The following ROPN1L variants were observed in gnomAD, a reference collection of about 807,000 sequenced individuals.
ROPN1L encodes ropporin-1-like protein.
A neutral mutation model predicts 22.7 loss-of-function variants in ROPN1L; 23 were observed. The observed-to-expected ratio is 1.01, with a 90% CI of 0.73 to 1.43. The LOEUF is 1.43. Ranked by LOEUF, ROPN1L falls within the 40% of genes most tolerant of loss-of-function variation. The pLI, the probability that ROPN1L is intolerant of heterozygous loss-of-function variation, is 0.00. For synonymous variants in ROPN1L, 116 were observed against 117.8 expected (o/e 0.98, Z 0.10); for missense variants, 271 against 291.5 (o/e 0.93, Z 0.51).
intron 4 of ROPN1L, among the ~76,000 whole-genome samples, chr5:10,463,405 G>A (rs1242830365): frequency 6.6e-6 from 1 of 152,208 alleles, no homozygotes; most frequent in African/African-American, 2.4e-5. Flanking sequence ...TGGTGGGGTG[G>A]GCAGAGGTGG....
At chr5:10,470,099 GC>G (rs1279746360) in intron 4 of ROPN1L, among the ~76,000 whole-genome samples, 2 of 152,154 alleles carry the variant, frequency 1.3e-5, no homozygotes, top group Non-Finnish European at 2.9e-5. Context: ...GTCTGATTTT[GC>G]TATTTCCGTA....
the ROPN1L span, chr5:10,482,230 A>G: frequency 3.3e-5 from 5 of 152,014 alleles, no homozygotes; most frequent in Non-Finnish European, 5.9e-5. Flanking sequence ...TCCGTCAAAA[A>G]AAAAAAAAAA....
chr5:10,478,923 G>A, the ROPN1L span, among the ~76,000 whole-genome samples: 1 of 152,202 alleles, frequency 6.6e-6, no homozygotes, highest in Non-Finnish European at 1.5e-5. Context: ...TATATAGGGT[G>A]TTGTAAAGAT....
Position 10,464,980 on chromosome 5 carries a change from G to A in ROPN1L, c.*33G>A. ...AAGAATACATTTTAATGTCAAAATA[G>A]TGCTCTTTAAAATTCTGGCACCAAA... On this transcript the variant is annotated 3_prime_UTR_variant, in exon 5 of 5. Coordinates refer to ENST00000274134, the MANE Select transcript of ROPN1L (RefSeq NM_031916.5). The A allele has an allele frequency of 1.5e-6, 2 of 1,319,752 alleles. No individual in the cohort carries two copies. Among genetic ancestry groups the A allele is most frequent in the Non-Finnish European group, 2.1e-6 (2 of 940,750 alleles). The allele number at this position is 1,319,752 out of a possible 1,614,324, so 81.8% of individuals were successfully genotyped here.
intron 3 of ROPN1L, among the ~76,000 whole-genome samples, chr5:10,453,330 C>T (rs531826210): frequency 3.3e-5 from 5 of 152,136 alleles, no homozygotes; most frequent in Admixed American, 1.3e-4. Flanking sequence ...TCTCGGGGTG[C>T]GCTGGGTAGA....
chr5:10,447,594 C>T lies in ROPN1L; in HGVS notation c.132-666C>T, dbSNP rs541479739. 1.7e-4 allele frequency among the ~76,000 whole-genome samples: 26 copies of T among 152,280 alleles called. No individual in the cohort carries two copies. In the East Asian group the frequency reaches 4.2e-3, roughly 25 times the overall value. ...AACCCACCTGTCAAAAGTGGGAAGA[C>T]GGCCAGGCACAGTGGCTCACGCCTA... is the stretch of plus-strand genomic sequence containing the variant. On this transcript the variant is annotated intron_variant, in intron 1 of 4. Transcript: ENST00000274134.
rs1735128353 is a variant in ROPN1L, at chr5:10,465,017, C to G, written c.*70C>G. On this transcript the variant is annotated 3_prime_UTR_variant, in exon 5 of 5. Coordinates refer to ENST00000274134, the MANE Select transcript of ROPN1L (RefSeq NM_031916.5). ...ATTCTGGCACCAAATACAACTTACC[C>G]TGAATCACACACCTCTGTAGTGTGA... 4 of 835,340 alleles carry G rather than the reference C, an allele frequency of 4.8e-6. No homozygotes were observed. Among genetic ancestry groups the G allele is most frequent in the East Asian group, 2.5e-5 (1 of 39,934 alleles). The allele number at this position is 835,340 out of a possible 1,614,324, so 51.7% of individuals were successfully genotyped here.
At chr5:10,481,297 G>A in the ROPN1L span, among the ~76,000 whole-genome samples, 1 of 152,244 alleles carries the variant, frequency 6.6e-6, no homozygotes, top group Non-Finnish European at 1.5e-5. Context: ...TTCCCAGGAG[G>A]AGGGGCCACG....
chr5:10,447,109 G>A (rs1020695986), intron 1 of ROPN1L, among the ~76,000 whole-genome samples: 11 of 152,228 alleles, frequency 7.2e-5, no homozygotes, highest in Middle Eastern at 3.4e-3. Context: ...ACTACCCATG[G>A]CTTTAAAATT....
intron 3 of ROPN1L, among the ~76,000 whole-genome samples, chr5:10,457,660 A>G (rs987063341): frequency 2.0e-5 from 3 of 152,158 alleles, no homozygotes; most frequent in African/African-American, 7.2e-5. Context: ...TCTGTAGGGA[A>G]GGCTCATTTT....
intron 1 of ROPN1L, among the ~76,000 whole-genome samples, chr5:10,443,733 T>C (rs1368409439): frequency 6.6e-6 from 1 of 152,224 alleles, no homozygotes; most frequent in Admixed American, 6.5e-5. Context: ...CTTTGCTCTT[T>C]CCAGTGGTTC....
At chr5:10,480,624 A>T in the ROPN1L span, among the ~76,000 whole-genome samples, 1 of 151,676 alleles carries the variant, frequency 6.6e-6, no homozygotes, top group East Asian at 1.9e-4. Flanking sequence ...CCTTATGTTG[A>T]GTGTGTCCTC....
chr5:10,461,327 G>A lies in ROPN1L; in HGVS notation c.561G>A (p.Thr187=), dbSNP rs148145590. 3.7e-5 allele frequency: 60 copies of A among 1,614,040 alleles called. No individual in the cohort carries two copies. The highest frequency in any genetic ancestry group is 3.5e-4 in the African/African-American group (26 of 75,054). Residue 187 remains threonine, a synonymous_variant, in exon 4 of 5, where the codon ACG becomes ACA. Coordinates refer to ENST00000274134, the MANE Select transcript of ROPN1L (RefSeq NM_031916.5). ...RLDSDVSPLE[T]ESYLASLKEN... is the part of the protein sequence containing the mutation. ...ACTCAGATGTGTCTCCCTTGGAGAC[G>A]GAATCCTACCTTGCCTCTCTAAAGG...
At chr5:10,478,481 G>C in the ROPN1L span, among the ~76,000 whole-genome samples, 2 of 152,190 alleles carry the variant, frequency 1.3e-5, no homozygotes, top group South Asian at 4.1e-4. Context: ...TCTGGCTGGG[G>C]GTGGGGGTCC....
chr5:10,452,246 A>G (rs1286386864), intron 3 of ROPN1L, among the ~76,000 whole-genome samples: 1 of 149,800 alleles, frequency 6.7e-6, no homozygotes, highest in Admixed American at 6.7e-5. Flanking sequence ...TTCTGGGATT[A>G]TAGATTACAG....
intron 3 of ROPN1L, among the ~76,000 whole-genome samples, chr5:10,458,905 G>A (rs1394118322): frequency 1.4e-4 from 5 of 34,914 alleles, no homozygotes; most frequent in East Asian, 9.2e-4. Flanking sequence ...TACACCATCC[G>A]CCTGTATGCC....
chr5:10,469,058 G>A (rs1271052067), downstream of ROPN1L, among the ~76,000 whole-genome samples: 4 of 152,196 alleles, frequency 2.6e-5, no homozygotes, highest in African/African-American at 7.2e-5. Flanking sequence ...GGGAGGCTGA[G>A]GCAGGAGAAT....
intron 3 of ROPN1L, among the ~76,000 whole-genome samples, chr5:10,459,459 C>T (rs561109214): frequency 6.6e-6 from 1 of 152,276 alleles, no homozygotes; most frequent in East Asian, 1.9e-4. Flanking sequence ...GTTTAAAACC[C>T]TTTGACACCT....
intron 4 of ROPN1L, 145 bp downstream of exon 4, chr5:10,461,504 T>C (rs1735029967): frequency 2.8e-6 from 2 of 715,514 alleles, no homozygotes; most frequent in Non-Finnish European, 4.6e-6. Flanking sequence ...TATGATCAAA[T>C]GTGTGGAGGT....
Sources: allele counts gnomAD v4.1 joint callset (sites outside exome capture counted in the v4.1 genomes callset), GRCh38; gene constraint gnomAD v4.1.1; transcripts MANE v1.5; gene names NCBI Gene and HGNC (gene_info 2026-07-23, HGNC 2026-07-21).